Variants in VAV2 observed in about 807,000 individuals in gnomAD.
VAV2 encodes guanine nucleotide exchange factor VAV2.
VAV2 carries 67 observed loss-of-function variants against 132.5 expected under a neutral mutation model. The observed-to-expected ratio is 0.51, with a 90% CI of 0.42 to 0.62. VAV2 has a LOEUF of 0.62. VAV2 is among the 20% of genes least tolerant of loss of function. VAV2 has a pLI of 0.00. For missense variants in VAV2, 938 were observed against 1,153.6 expected (o/e 0.81, Z 2.71); for synonymous variants, 492 against 443.5 (o/e 1.11, Z -1.37).
In VAV2 at chr9:133,826,172, CG is replaced by C; in HGVS notation, c.449+8099del. ...CACAGACCATCTGGGCAGATGCTTT[CG>C]TTTCAGAGACTGGGAAACTGAGGCC... On this transcript the variant is annotated intron_variant, in intron 4 of 29. Transcript: ENST00000371850. This position sits in a 1 kb window ranked among gnomAD's most constrained non-coding sequence, Gnocchi z 4.2. Among the ~76,000 whole-genome samples the C allele has an allele frequency of 6.6e-6, 1 of 152,190 alleles. No individual in the cohort carries two copies. The highest frequency in any genetic ancestry group is 1.5e-5 in the Non-Finnish European group (1 of 68,046).
At chr9:133,902,213 C>T (rs976332499) in intron 2 of VAV2, among the ~76,000 whole-genome samples, 2 of 152,196 alleles carry the variant, frequency 1.3e-5, no homozygotes, top group Admixed American at 6.5e-5. Flanking sequence ...GGGATAGGAA[C>T]GGGCATCTGC....
intron 2 of VAV2, among the ~76,000 whole-genome samples, chr9:133,893,157 G>C (rs7027853): frequency 0.039 from 6,002 of 152,212 alleles, 394 homozygotes; most frequent in African/African-American, 0.14. Context: ...CCCACCTCCC[G>C]CGAAGACTCC....
chr9:133,955,891 G>A (rs541286674), intron 1 of VAV2, among the ~76,000 whole-genome samples: 72 of 146,446 alleles, frequency 4.9e-4, no homozygotes, highest in Non-Finnish European at 8.2e-4. Flanking sequence ...AGGCTGCTCC[G>A]TGAAGCTCAG....
chr9:133,864,690 AGCCCGCTGGGGCCCTCT>A (rs1837731583), intron 2 of VAV2, among the ~76,000 whole-genome samples: 1 of 152,252 alleles, frequency 6.6e-6, no homozygotes, highest in African/African-American at 2.4e-5. Context: ...CTGGATATGC[AGCCCGCTGGGGCCCTCT>A]GTCCCCTAAG....
At chr9:133,848,372 G>C (rs1383704013) in intron 3 of VAV2, among the ~76,000 whole-genome samples, 1 of 151,978 alleles carries the variant, frequency 6.6e-6, no homozygotes, top group Non-Finnish European at 1.5e-5. Flanking sequence ...CCAAATTTAG[G>C]ATGGTGGTTA....
At chr9:133,793,980 G>A (rs1834603574) in intron 12 of VAV2, among the ~76,000 whole-genome samples, 1 of 152,130 alleles carries the variant, frequency 6.6e-6, no homozygotes, top group Admixed American at 6.5e-5. Flanking sequence ...GTGGCTCTCA[G>A]AAAGGCAGAC....
intron 2 of VAV2, among the ~76,000 whole-genome samples, chr9:133,929,755 G>C (rs557418476): frequency 2.6e-5 from 4 of 151,992 alleles, no homozygotes; most frequent in African/African-American, 9.7e-5. Flanking sequence ...GTAGTGATGC[G>C]GCCTGTCCCC....
intron 8 of VAV2, 51 bp downstream of exon 8, chr9:133,807,207 C>A: frequency 6.3e-7 from 1 of 1,577,902 alleles, no homozygotes; most frequent in Non-Finnish European, 8.6e-7. Flanking sequence ...GTGGCCAGTG[C>A]CGAGTTAGGG....
Position 133,961,371 on chromosome 9 carries a change from A to C in VAV2, c.205-22152T>G, listed in dbSNP as rs531785995. Reference sequence around the variant, plus strand: ...ATGGGCAGTGGAATGAGCAACGTGCAGTTTTGCACCCAGAAACTGGTCAGG... The same window carrying C: ...ATGGGCAGTGGAATGAGCAACGTGCCGTTTTGCACCCAGAAACTGGTCAGG... On this transcript the variant is annotated intron_variant, in intron 1 of 29. Transcript: ENST00000371850. The surrounding 1 kb of genome is among the most constrained non-coding windows in gnomAD (Gnocchi z 4.1). 6.6e-6 allele frequency among the ~76,000 whole-genome samples: 1 copy of C among 152,336 alleles called. No individual in the cohort carries two copies. The highest frequency in any genetic ancestry group is 1.9e-4 in the East Asian group (1 of 5,170).
intron 2 of VAV2, among the ~76,000 whole-genome samples, chr9:133,933,343 T>C (rs1287275933): frequency 1.3e-5 from 2 of 152,276 alleles, no homozygotes; most frequent in Non-Finnish European, 2.9e-5. Flanking sequence ...TCATTTTAAC[T>C]CCAGCATACT....
At chr9:133,806,017 C>G (rs1835124197) in intron 9 of VAV2, 64 bp downstream of exon 9, 1 of 1,529,908 alleles carries the variant, frequency 6.5e-7, no homozygotes, top group Non-Finnish European at 8.9e-7. Context: ...AAGAGTTCCA[C>G]TTGTGTAAAC....
chr9:133,785,902 G>T lies in VAV2; in HGVS notation c.1423-17C>A, dbSNP rs987170527. ...GTAGGACCACTGCAGGGGGGAGAGG[G>T]GCCATGCTTGCAATAGACACGGCTT... On this transcript the variant is annotated splice_polypyrimidine_tract_variant and intron_variant, in intron 16 of 29. Transcript: ENST00000371850. The T allele has an allele frequency of 1.9e-6, 3 of 1,607,498 alleles. No homozygotes were observed. The highest frequency in any genetic ancestry group is 2.6e-6 in the Non-Finnish European group (3 of 1,175,396).
chr9:133,933,756 G>C (rs1435625469), intron 2 of VAV2, among the ~76,000 whole-genome samples: 1 of 150,076 alleles, frequency 6.7e-6, no homozygotes, highest in African/African-American at 2.5e-5. Flanking sequence ...GTGGATGGAT[G>C]AATGGATGGG....
chr9:133,769,280 C>T lies in VAV2; in HGVS notation c.2434+137G>A. 1 of 961,608 alleles carries T rather than the reference C, an allele frequency of 1.0e-6. No homozygotes were observed. The highest frequency in any genetic ancestry group is 1.5e-6 in the Non-Finnish European group (1 of 655,654). The allele number at this position is 961,608 out of a possible 1,614,324, so 59.6% of individuals were successfully genotyped here. A position where few individuals can be genotyped will look rare whatever the true frequency, so the allele number is the denominator to read the frequency against. On this transcript the variant is annotated intron_variant, in intron 28 of 29. Coordinates refer to ENST00000371850, the MANE Select transcript of VAV2 (RefSeq NM_001134398.2). The surrounding 1 kb of genome is among the most constrained non-coding windows in gnomAD (Gnocchi z 8.1). ...CCCGGCCTCCCCAGCCCCTTTCTCC[C>T]CTCCACCCAGTGCCAGACTGCGGAC...
chr9:133,849,568 C>T (rs1483660666), intron 3 of VAV2, among the ~76,000 whole-genome samples: 4 of 152,208 alleles, frequency 2.6e-5, no homozygotes, highest in East Asian at 3.8e-4. Context: ...CGTAACCAAG[C>T]ACCATCGAAT....
chr9:133,888,918 G>A (rs899402037), intron 2 of VAV2, among the ~76,000 whole-genome samples: 6 of 152,188 alleles, frequency 3.9e-5, no homozygotes, highest in South Asian at 2.1e-4. Context: ...GGGCCCTGGC[G>A]GACAGCCCGT....
rs145204182 is a variant in VAV2, at chr9:133,789,089, G to A, written c.1274+169C>T. On this transcript the variant is annotated intron_variant, in intron 14 of 29. Transcript: ENST00000371850. ...AGCCCCACTGCTGTGGCGCCCGCTC[G>A]CTGACGAGAAGGAAGGAAGCAATTA... Among the ~76,000 whole-genome samples, 1,268 of 152,330 alleles carry A rather than the reference G, an allele frequency of 8.3e-3. 27 individuals carry two copies. The highest frequency in any genetic ancestry group is 0.043 in the Admixed American group (659 of 15,306).
Position 133,824,482 on chromosome 9 carries a change from C to T in VAV2, c.449+9790G>A, listed in dbSNP as rs891090780. ...ACCCCAGCCCAAAACAAGGTAGTGA[C>T]TGGCCTGGCACAGGGGGTAAGAGCA... On this transcript the variant is annotated intron_variant, in intron 4 of 29. Transcript: ENST00000371850. The surrounding 1 kb of genome is among the most constrained non-coding windows in gnomAD (Gnocchi z 5.2). Among the ~76,000 whole-genome samples, 1 of 152,190 alleles carries T rather than the reference C, an allele frequency of 6.6e-6. No individual in the cohort carries two copies. Among genetic ancestry groups the T allele is most frequent in the South Asian group, 2.1e-4 (1 of 4,824 alleles).
chr9:133,892,344 G>C (rs1383203310), intron 2 of VAV2, among the ~76,000 whole-genome samples: 1 of 151,832 alleles, frequency 6.6e-6, no homozygotes, highest in Admixed American at 6.6e-5. Flanking sequence ...TTGTGAGCCA[G>C]GAGTGTCCTT....
Sources: gnomAD v4.1 joint callset for allele counts (sites outside exome capture counted in the v4.1 genomes callset) on GRCh38, gnomAD v4.1.1 for gene constraint, Gnocchi (gnomAD v3.1) non-coding constraint, MANE v1.5 for transcripts, NCBI Gene and HGNC (gene_info 2026-07-23, HGNC 2026-07-21) for gene names.